The following UBE2E2 variants were observed in gnomAD, a reference collection of about 807,000 sequenced individuals.
UBE2E2 encodes ubiquitin-conjugating enzyme E2 E2.
A neutral mutation model predicts 24.7 loss-of-function variants in UBE2E2; 6 were observed. The ratio of observed to expected loss-of-function variants is 0.24; its 90% CI spans 0.13 to 0.48. The LOEUF (loss-of-function observed/expected upper bound fraction) is 0.48, where lower values mean the gene tolerates loss of function less well. Among genes scored for constraint, UBE2E2 ranks in the 20% least tolerant of loss-of-function variants. The probability of loss-of-function intolerance (pLI) is 0.99; values close to 1 mark genes in which losing one functional copy is unlikely to be tolerated. For synonymous variants in UBE2E2, 104 were observed against 83.6 expected, an observed-to-expected ratio of 1.24 and a Z score of -1.33; for missense variants, 169 against 245.0, an observed-to-expected ratio of 0.69 and a Z score of 2.07.
chr3:23,383,140 A>G (rs1190788150), intron 3 of UBE2E2, among the ~76,000 whole-genome samples: 1 of 152,190 alleles, frequency 6.6e-6, no homozygotes, highest in Non-Finnish European at 1.5e-5. Flanking sequence ...AATGTGGGTG[A>G]TAATTGATTG....
At chr3:23,449,154 A>G (rs972877173) in intron 3 of UBE2E2, among the ~76,000 whole-genome samples, 2 of 152,212 alleles carry the variant, frequency 1.3e-5, no homozygotes, top group Admixed American at 1.3e-4. Flanking sequence ...GAATACACCT[A>G]TCACTTTCCA....
chr3:23,208,375 T>C (rs1308545011), intron 1 of UBE2E2, among the ~76,000 whole-genome samples: 2 of 152,232 alleles, frequency 1.3e-5, no homozygotes, highest in Non-Finnish European at 2.9e-5. Flanking sequence ...CAGTACATTA[T>C]GTGAATATAC....
chr3:23,517,143 A>G (rs923838062), intron 4 of UBE2E2, among the ~76,000 whole-genome samples: 1 of 152,128 alleles, frequency 6.6e-6, no homozygotes, highest in African/African-American at 2.4e-5. Context: ...GAGACATCCC[A>G]GCTTTTTAAA....
intron 3 of UBE2E2, among the ~76,000 whole-genome samples, chr3:23,482,507 A>G (rs1180348359): frequency 1.3e-5 from 2 of 152,106 alleles, no homozygotes; most frequent in African/African-American, 4.8e-5. Context: ...ACAGAAAAGG[A>G]AGATAAACCT....
At chr3:23,457,496 C>T (rs575518143) in intron 3 of UBE2E2, among the ~76,000 whole-genome samples, 4 of 152,296 alleles carry the variant, frequency 2.6e-5, no homozygotes, top group East Asian at 1.9e-4. Context: ...GCTGCAGCTT[C>T]TCCATCAGCT....
intron 3 of UBE2E2, among the ~76,000 whole-genome samples, chr3:23,359,167 T>G (rs1020509563): frequency 2.0e-5 from 3 of 152,204 alleles, no homozygotes; most frequent in African/African-American, 4.8e-5. Context: ...AAATGACTAG[T>G]TTTTTGTCTT....
rs776882891 is a variant in UBE2E2 at position 23,589,693 on chromosome 3, G to T, written c.509-41G>T. On this transcript the variant is annotated intron_variant, in intron 5 of 5. Coordinates refer to ENST00000396703, the MANE Select transcript of UBE2E2 (RefSeq NM_152653.4). The surrounding 1 kb of genome is among the most constrained non-coding windows in gnomAD (Gnocchi z 4.1). ...CTTTCTGAACACTTCTTCCCCCACA[G>T]TGCTGGTATTTACTGACTCCCAACT... 49 of 1,603,958 alleles carry T rather than the reference G, an allele frequency of 3.1e-5. No individual in the cohort carries two copies. The South Asian group carries it at 5.2e-4, about 17-fold the overall frequency.
chr3:23,338,607 G>A (rs904439882), intron 3 of UBE2E2, among the ~76,000 whole-genome samples: 35 of 152,094 alleles, frequency 2.3e-4, no homozygotes, highest in African/African-American at 8.2e-4. Context: ...TGGGGACTGG[G>A]ACTGGGACTG....
chr3:23,530,664 A>C (rs1186898812), intron 4 of UBE2E2, among the ~76,000 whole-genome samples: 1 of 152,148 alleles, frequency 6.6e-6, no homozygotes, highest in Non-Finnish European at 1.5e-5. Context: ...TTTCTTTGCT[A>C]TCTCTGTCAT....
chr3:23,263,510 A>G (rs963377936), intron 3 of UBE2E2, among the ~76,000 whole-genome samples: 1 of 152,212 alleles, frequency 6.6e-6, no homozygotes, highest in Non-Finnish European at 1.5e-5. Context: ...TGCTTGAGTC[A>G]CTTTTTGGAA....
intron 3 of UBE2E2, among the ~76,000 whole-genome samples, chr3:23,424,290 A>G (rs1296202873): frequency 6.6e-6 from 1 of 152,190 alleles, no homozygotes; most frequent in Non-Finnish European, 1.5e-5. Context: ...ACTTGCAGTT[A>G]CCATGTTAAG....
intron 3 of UBE2E2, among the ~76,000 whole-genome samples, chr3:23,471,633 T>C (rs1464221425): frequency 6.6e-6 from 1 of 152,166 alleles, no homozygotes; most frequent in Non-Finnish European, 1.5e-5. Context: ...AGTTTGATAG[T>C]GCTAAAGCAG....
chr3:23,368,371 A>G (rs1696314649), intron 3 of UBE2E2, among the ~76,000 whole-genome samples: 1 of 152,182 alleles, frequency 6.6e-6, no homozygotes, highest in African/African-American at 2.4e-5. Flanking sequence ...ATTGATGTTA[A>G]TCACCTGACT....
At chr3:23,308,075 C>CT (rs1699283606) in intron 3 of UBE2E2, among the ~76,000 whole-genome samples, 1 of 152,148 alleles carries the variant, frequency 6.6e-6, no homozygotes, top group African/African-American at 2.4e-5. Context: ...GTGGCTTTGG[C>CT]TTGAATAGTG....
At chr3:23,414,546 C>T (rs951946212) in intron 3 of UBE2E2, among the ~76,000 whole-genome samples, 1 of 152,188 alleles carries the variant, frequency 6.6e-6, no homozygotes, top group African/African-American at 2.4e-5. Context: ...TGGGTGGGGA[C>T]ACAGATTCAA....
intron 2 of UBE2E2, among the ~76,000 whole-genome samples, chr3:23,214,809 G>GT (rs376131306): frequency 1.3e-5 from 2 of 151,734 alleles, no homozygotes; most frequent in African/African-American, 4.8e-5. Flanking sequence ...GAAAGTAACA[G>GT]TTTTTTTATC....
intron 3 of UBE2E2, among the ~76,000 whole-genome samples, chr3:23,385,689 A>G (rs1165843760): frequency 6.6e-6 from 1 of 152,240 alleles, no homozygotes; most frequent in African/African-American, 2.4e-5. Context: ...AGAGTCCTCA[A>G]AGTCCTACAT....
At chr3:23,404,948 A>G (rs746013377) in intron 3 of UBE2E2, among the ~76,000 whole-genome samples, 9 of 152,222 alleles carry the variant, frequency 5.9e-5, no homozygotes, top group Non-Finnish European at 1.2e-4. Context: ...TGTTCAGTTC[A>G]GCCACTTCGT....
chr3:23,581,480 C>G (rs1255784480), intron 5 of UBE2E2, among the ~76,000 whole-genome samples: 1 of 152,146 alleles, frequency 6.6e-6, no homozygotes, highest in Non-Finnish European at 1.5e-5. Flanking sequence ...CACACAAATA[C>G]ATATTTGTTT....
Sources: gnomAD v4.1 joint callset for allele counts (sites outside exome capture counted in the v4.1 genomes callset) on GRCh38, gnomAD v4.1.1 for gene constraint, Gnocchi (gnomAD v3.1) non-coding constraint, MANE v1.5 for transcripts, NCBI Gene and HGNC (gene_info 2026-07-23, HGNC 2026-07-21) for gene names.